BRIP1: variants seen among roughly 807,000 people sequenced by gnomAD.
The protein encoded by BRIP1 is BRCA1 interacting DNA helicase 1, also known as Fanconi anemia group J protein.
Under a neutral mutation model 119.7 loss-of-function variants are expected in BRIP1, and 88 were observed. That is an observed-to-expected ratio of 0.74 (90% confidence interval 0.62 to 0.88). BRIP1 has a LOEUF of 0.88. Among genes scored for constraint, BRIP1 ranks in the 40% least tolerant of loss-of-function variants. The pLI is 0.00. For missense variants in BRIP1, 1,259 were observed against 1,455.4 expected (o/e 0.87, Z 2.20); for synonymous variants, 443 against 496.5 (o/e 0.89, Z 1.43).
chr17:61,697,052 A>T (rs1243487089), intron 17 of BRIP1, among the ~76,000 whole-genome samples: 1 of 150,576 alleles, frequency 6.6e-6, no homozygotes, highest in Non-Finnish European at 1.5e-5. Flanking sequence ...CTTGTTATAC[A>T]TCTATTCAGA....
rs2061693759 is a variant in BRIP1 at position 61,706,630 on chromosome 17, T to C, written c.2492+9321A>G. Reference sequence around the variant, plus strand: ...CTTCTTGGTTTTTGAACTTTAGAACTTACGTACTGATTCTCTCCTGTGGAA... The same window carrying C: ...CTTCTTGGTTTTTGAACTTTAGAACCTACGTACTGATTCTCTCCTGTGGAA... On this transcript the variant is annotated intron_variant, in intron 17 of 19. Transcript: ENST00000259008. The surrounding 1 kb of genome is among the most constrained non-coding windows in gnomAD (Gnocchi z 5.7). Among the ~76,000 whole-genome samples, 3 of 152,160 alleles carry C rather than the reference T, an allele frequency of 2.0e-5. No homozygotes were observed. The South Asian group carries it at 6.2e-4, about 31-fold the overall frequency.
chr17:61,860,052 T>G lies in BRIP1; in HGVS notation c.94-145A>C. 1.5e-6 allele frequency: 1 copy of G among 661,178 alleles called. No homozygotes were observed. The highest frequency in any genetic ancestry group is 1.6e-5 in the South Asian group (1 of 61,192). The allele number at this position is 661,178 out of a possible 1,614,324, so 41.0% of individuals were successfully genotyped here. ...ATAGCAGAAGGAACTCATATTTAGT[T>G]AAATCCAAACTGTATTCCTTTACAC... is the stretch of plus-strand genomic sequence containing the variant. On this transcript the variant is annotated intron_variant, in intron 2 of 19. Transcript: ENST00000259008. The surrounding 1 kb of genome is among the most constrained non-coding windows in gnomAD (Gnocchi z 4.1).
chr17:61,727,505 G>A (rs1292118939), intron 16 of BRIP1, among the ~76,000 whole-genome samples: 2 of 152,058 alleles, frequency 1.3e-5, no homozygotes, highest in African/African-American at 2.4e-5. Flanking sequence ...GGTGGCTCAC[G>A]TTTATAATCC....
Position 61,755,231 on chromosome 17 carries a change from ACATAACTGTAAAACCAG to A in BRIP1, c.2098-10657_2098-10641del, listed in dbSNP as rs2077184813. 6.6e-6 allele frequency among the ~76,000 whole-genome samples: 1 copy of A among 152,164 alleles called. No homozygotes were observed. The highest frequency in any genetic ancestry group is 2.4e-5 in the African/African-American group (1 of 41,438). ...AGGGAGGAGAGTAGGGAGGGGTAAA[ACATAACTGTAAAACCAG>A]ATGCCCAAGTCCTTAATAAAAGAAG... On this transcript the variant is annotated intron_variant, in intron 14 of 19. Transcript: ENST00000259008. This position sits in a 1 kb window ranked among gnomAD's most constrained non-coding sequence, Gnocchi z 4.5.
rs876658725 is a variant in BRIP1, at chr17:61,784,409, C to G, written c.1489G>C (p.Val497Leu). ...GAGATTTTTTCCTCTTTTTGAAGAA[C>G]AGCAGAAAAATGTCCCTATAAGAAA... ...FPILQGHFSAVLQKEEKISPI... is the reference protein window; with the variant it reads ...FPILQGHFSALLQKEEKISPI... Residue 497 changes from valine (V) to leucine (L), a missense_variant, in exon 11 of 20, where the codon GTT becomes CTT. Physicochemically the swap from Val to Leu is conservative, Grantham distance 32 (BLOSUM62 1). Transcript: ENST00000259008. 3 of 1,613,030 alleles carry G rather than the reference C, an allele frequency of 1.9e-6. No homozygotes were observed. Among genetic ancestry groups the G allele is most frequent in the Non-Finnish European group, 2.5e-6 (3 of 1,179,346 alleles).
At chr17:61,801,172 A>T in intron 8 of BRIP1, 81 bp downstream of exon 8, 1 of 1,326,144 alleles carries the variant, frequency 7.5e-7, no homozygotes, top group Non-Finnish European at 1.1e-6. Context: ...AAAAAAAATT[A>T]AAACATCTAA....
chr17:61,747,294 A>G (rs2077070736), intron 14 of BRIP1, among the ~76,000 whole-genome samples: 1 of 152,168 alleles, frequency 6.6e-6, no homozygotes, highest in Non-Finnish European at 1.5e-5. Flanking sequence ...GTAAATACAA[A>G]GTTTGCAGAA....
intron 16 of BRIP1, among the ~76,000 whole-genome samples, chr17:61,716,832 A>AAATAATATGCTTCCATC (rs1555581245): frequency 6.6e-6 from 1 of 151,328 alleles, no homozygotes; most frequent in Non-Finnish European, 1.5e-5. Context: ...CCACTACTGG[A>AAATAATATGCTTCCATC]TTATTAGCTA....
At chr17:61,773,931 A>G (rs1406411394) in intron 14 of BRIP1, among the ~76,000 whole-genome samples, 1 of 152,190 alleles carries the variant, frequency 6.6e-6, no homozygotes, top group Non-Finnish European at 1.5e-5. Context: ...AACAGTCAGG[A>G]AACAACAGAA....
rs2078912518 is a variant in BRIP1, at chr17:61,857,328, A to C, written c.206-97T>G. Reference sequence around the variant, plus strand: ...TCACCCAGGATTGGGAGGTTTCCTAAGATAAAAGATTTTTAGGGCTAACAC... The same window carrying C: ...TCACCCAGGATTGGGAGGTTTCCTACGATAAAAGATTTTTAGGGCTAACAC... On this transcript the variant is annotated intron_variant, in intron 3 of 19. Coordinates refer to ENST00000259008, the MANE Select transcript of BRIP1 (RefSeq NM_032043.3). The surrounding 1 kb of genome is among the most constrained non-coding windows in gnomAD (Gnocchi z 5.1). 1 of 1,186,378 alleles carries C rather than the reference A, an allele frequency of 8.4e-7. No individual in the cohort carries two copies. The highest frequency in any genetic ancestry group is 2.6e-5 in the Admixed American group (1 of 38,514). The allele number at this position is 1,186,378 out of a possible 1,614,324, so 73.5% of individuals were successfully genotyped here.
At chr17:61,821,612 G>A (rs1209321159) in intron 6 of BRIP1, among the ~76,000 whole-genome samples, 1 of 151,454 alleles carries the variant, frequency 6.6e-6, no homozygotes, top group Non-Finnish European at 1.5e-5. Flanking sequence ...TCACTGCAAC[G>A]TTGAACTCCT....
At chr17:61,847,253 T>C (rs766756548) in intron 5 of BRIP1, 33 bp from the exon 6 acceptor site, 12 of 1,611,966 alleles carry the variant, frequency 7.4e-6, no homozygotes, top group African/African-American at 1.3e-5. Context: ...AAGTTTAAGG[T>C]GAACTAGAAG....
At position 61,752,757 on chromosome 17, in the gene BRIP1, T is replaced by C. The variant is rs554192373; in HGVS notation, c.2098-8166A>G. Reference sequence around the variant, plus strand: ...TTTATATGTGAGCTATGACTTTATCTTTTTGAAAATTAACTGTAGAGAAAG... The same window carrying C: ...TTTATATGTGAGCTATGACTTTATCCTTTTGAAAATTAACTGTAGAGAAAG... On this transcript the variant is annotated intron_variant, in intron 14 of 19. Transcript: ENST00000259008. The surrounding 1 kb of genome is among the most constrained non-coding windows in gnomAD (Gnocchi z 6.2). Among the ~76,000 whole-genome samples, 6 of 152,306 alleles carry C rather than the reference T, an allele frequency of 3.9e-5. No homozygotes were observed. Among genetic ancestry groups the C allele is most frequent in the Admixed American group, 1.3e-4 (2 of 15,288 alleles).
rs1043889789 is a variant in BRIP1, at chr17:61,803,857, CA to C, written c.919-2384del. On this transcript the variant is annotated intron_variant, in intron 7 of 19. Coordinates refer to ENST00000259008, the MANE Select transcript of BRIP1 (RefSeq NM_032043.3). The surrounding 1 kb of genome is among the most constrained non-coding windows in gnomAD (Gnocchi z 4.3). Reference sequence around the variant, plus strand: ...GATGTACCCTGTACTGTTAAATAGCCAAAAAATTGAAAATTAACCAAATGTC... The same window carrying C: ...GATGTACCCTGTACTGTTAAATAGCCAAAAATTGAAAATTAACCAAATGTC... 2.6e-5 allele frequency among the ~76,000 whole-genome samples: 4 copies of C among 151,740 alleles called. No individual in the cohort carries two copies. Among genetic ancestry groups the C allele is most frequent in the Non-Finnish European group, 5.9e-5 (4 of 67,944 alleles).
intron 16 of BRIP1, among the ~76,000 whole-genome samples, chr17:61,737,646 A>G (rs560016906): frequency 2.0e-5 from 3 of 152,326 alleles, no homozygotes; most frequent in Non-Finnish European, 4.4e-5. Context: ...GAAATCACCC[A>G]TAATGATGCT....
intron 10 of BRIP1, among the ~76,000 whole-genome samples, chr17:61,786,585 TATATA>T (rs970768248): frequency 4.1e-5 from 6 of 147,082 alleles, no homozygotes; most frequent in African/African-American, 1.5e-4. Context: ...AACTATAAAA[TATATA>T]ATATAATAAA....
rs2078084819 is a variant in BRIP1 at position 61,807,057 on chromosome 17, A to C, written c.918+1410T>G. On this transcript the variant is annotated intron_variant, in intron 7 of 19. Transcript: ENST00000259008. This position sits in a 1 kb window ranked among gnomAD's most constrained non-coding sequence, Gnocchi z 4.5. ...ACAAGTAAAACAAAAAAAGATAAAA[A>C]TATGGTGACAATGCCAGCAAGTCTT... Among the ~76,000 whole-genome samples the C allele has an allele frequency of 1.3e-5, 2 of 152,218 alleles. No homozygotes were observed. The highest frequency in any genetic ancestry group is 2.9e-5 in the Non-Finnish European group (2 of 68,044).
chr17:61,728,563 C>A (rs2076801393), intron 16 of BRIP1, among the ~76,000 whole-genome samples: 1 of 152,140 alleles, frequency 6.6e-6, no homozygotes, highest in African/African-American at 2.4e-5. Flanking sequence ...CCAGTTTGAC[C>A]TGCAGGAGTT....
chr17:61,738,786 T>C lies in BRIP1; in HGVS notation c.2379+4227A>G, dbSNP rs2076951477. 6.6e-6 allele frequency among the ~76,000 whole-genome samples: 1 copy of C among 152,334 alleles called. No individual in the cohort carries two copies. ...AATAACATAATAAATACCTGCATTC[T>C]CATATTTTCTTGCAGCTTATTTTCC... is the stretch of plus-strand genomic sequence containing the variant. On this transcript the variant is annotated intron_variant, in intron 16 of 19. Transcript: ENST00000259008. This position sits in a 1 kb window ranked among gnomAD's most constrained non-coding sequence, Gnocchi z 4.2.
Sources: gnomAD v4.1 joint callset for allele counts (sites outside exome capture counted in the v4.1 genomes callset) on GRCh38, gnomAD v4.1.1 for gene constraint, Gnocchi (gnomAD v3.1) non-coding constraint, MANE v1.5 for transcripts, NCBI Gene and HGNC (gene_info 2026-07-23, HGNC 2026-07-21) for gene names.